MYO18A: variants seen among roughly 807,000 people sequenced by gnomAD.
MYO18A encodes the protein myosin XVIIIA.
A neutral mutation model predicts 235.8 loss-of-function variants in MYO18A; 78 were observed. The observed-to-expected ratio is 0.33, with a 90% CI of 0.28 to 0.40. The LOEUF is 0.40. MYO18A is among the 10% of genes least tolerant of loss of function. MYO18A has a pLI of 1.00. For missense variants in MYO18A, 2,215 were observed against 2,699.3 expected (o/e 0.82, Z 3.98); for synonymous variants, 977 against 1,077.8 (o/e 0.91, Z 1.83).
intron 2 of MYO18A, among the ~76,000 whole-genome samples, chr17:29,122,811 C>A (rs1409084278): frequency 6.6e-6 from 1 of 152,220 alleles, no homozygotes; most frequent in African/African-American, 2.4e-5. Context: ...AGAGCCCTGG[C>A]CTCAGCCCTG....
chr17:29,120,808 TC>T lies in MYO18A; in HGVS notation c.1586-51del. On this transcript the variant is annotated intron_variant, in intron 6 of 41. Coordinates refer to ENST00000527372, the MANE Select transcript of MYO18A (RefSeq NM_078471.4). This position sits in a 1 kb window ranked among gnomAD's most constrained non-coding sequence, Gnocchi z 4.2. Reference sequence around the variant, plus strand: ...TATCAGGAAAGCCAGGGGCAGCTTATCCCCCAGCTAGGAGCTACCCCAGAGG... The same window carrying T: ...TATCAGGAAAGCCAGGGGCAGCTTATCCCCAGCTAGGAGCTACCCCAGAGG... 3 of 1,591,408 alleles carry T rather than the reference TC, an allele frequency of 1.9e-6. No individual in the cohort carries two copies. The highest frequency in any genetic ancestry group is 2.6e-6 in the Non-Finnish European group (3 of 1,167,216).
intron 2 of MYO18A, chr17:29,124,732 A>G (rs376518553): frequency 1.6e-6 from 2 of 1,261,848 alleles, no homozygotes; most frequent in Non-Finnish European, 2.1e-6. Flanking sequence ...AAGGGTGAAG[A>G]TAAGCAGACC....
In MYO18A at chr17:29,121,737, C is replaced by T. The variant is rs1355321862; in HGVS notation, c.1195-14G>A. On this transcript the variant is annotated splice_polypyrimidine_tract_variant and intron_variant, in intron 4 of 41. Coordinates refer to ENST00000527372, the MANE Select transcript of MYO18A (RefSeq NM_078471.4). The surrounding 1 kb of genome is among the most constrained non-coding windows in gnomAD (Gnocchi z 4.2). ...GGGAGCATTAGCCTGTGTGGGAGGA[C>T]AGGCGGGTGGGTATTAGAGCAGCAG... The T allele has an allele frequency of 1.3e-6, 2 of 1,572,646 alleles. No individual in the cohort carries two copies. Among genetic ancestry groups the T allele is most frequent in the Admixed American group, 1.9e-5 (1 of 53,596 alleles).
Position 29,120,666 on chromosome 17 carries a change from G to A in MYO18A, c.1678C>T (p.Leu560Phe). ...NGNATRFSQI[L>F]SLDFDQAGQV... The stretch of plus-strand genomic sequence containing the variant: ...CCAGCTTGGTCAAAGTCCAGGGAGA[G>A]GATCTGGGAGAAGCGGGTGGCATTG... Residue 560 changes from leucine to phenylalanine, a missense_variant, in exon 7 of 42, where the codon CTC (leucine) becomes TTC (phenylalanine). Physicochemically the swap from Leu to Phe is conservative, Grantham distance 22 (BLOSUM62 0). Coordinates refer to ENST00000527372, the MANE Select transcript of MYO18A (RefSeq NM_078471.4). This position sits in a 1 kb window ranked among gnomAD's most constrained non-coding sequence, Gnocchi z 4.2. 1.2e-6 allele frequency: 2 copies of A among 1,614,022 alleles called. No individual in the cohort carries two copies. The highest frequency in any genetic ancestry group is 1.7e-6 in the Non-Finnish European group (2 of 1,179,890).
chr17:29,178,017 G>T (rs1318525648), intron 1 of MYO18A, among the ~76,000 whole-genome samples: 1 of 152,188 alleles, frequency 6.6e-6, no homozygotes, highest in African/African-American at 2.4e-5. Context: ...ATGAGCCCCA[G>T]TTCTGCCCCA....
intron 30 of MYO18A, chr17:29,094,373 G>C: frequency 1.7e-6 from 1 of 599,524 alleles, no homozygotes; most frequent in East Asian, 2.8e-5. Flanking sequence ...TGGCTGGGTA[G>C]CAGGCTGGGT....
At chr17:29,097,155 A>G in intron 27 of MYO18A, 68 bp downstream of exon 27, 1 of 1,583,964 alleles carries the variant, frequency 6.3e-7, no homozygotes, top group East Asian at 2.3e-5. Context: ...AGTTCACTGG[A>G]CCGACACAAG....
intron 2 of MYO18A, among the ~76,000 whole-genome samples, chr17:29,136,276 T>C (rs2067601441): frequency 7.1e-6 from 1 of 140,798 alleles, no homozygotes; most frequent in African/African-American, 2.7e-5. Context: ...TATATATATG[T>C]AATGTATCCC....
chr17:29,131,302 C>T (rs1375822607), intron 2 of MYO18A: 23 of 791,490 alleles, frequency 2.9e-5, no homozygotes, highest in South Asian at 1.7e-4. Context: ...AACACACACA[C>T]GCACACACAC....
chr17:29,155,747 G>A (rs953381828), intron 2 of MYO18A, among the ~76,000 whole-genome samples: 6 of 152,280 alleles, frequency 3.9e-5, no homozygotes, highest in South Asian at 4.1e-4. Context: ...AATCCGAGGC[G>A]GCTCCCCTCC....
At chr17:29,162,777 G>C (rs530429707) in intron 2 of MYO18A, among the ~76,000 whole-genome samples, 1 of 152,322 alleles carries the variant, frequency 6.6e-6, no homozygotes, top group East Asian at 1.9e-4. Context: ...AGAAAACGGT[G>C]TTCTCCCAGG....
rs148728538 is a variant in MYO18A at position 29,148,150 on chromosome 17, A to T, written c.999+17792T>A. Among the ~76,000 whole-genome samples the T allele has an allele frequency of 7.2e-5, 11 of 152,186 alleles. 2 individuals are homozygous for T. In the East Asian group the frequency reaches 1.9e-3, roughly 27 times the overall value. Reference sequence around the variant, plus strand: ...TGTTAAGATATATCTTAACAATGAGATATATATATCTTAACAAAATATATC... The same window carrying T: ...TGTTAAGATATATCTTAACAATGAGTTATATATATCTTAACAAAATATATC... On this transcript the variant is annotated intron_variant, in intron 2 of 41. Coordinates refer to ENST00000527372, the MANE Select transcript of MYO18A (RefSeq NM_078471.4).
rs568992850 is a variant in MYO18A at position 29,098,426 on chromosome 17, C to T, written c.3800G>A (p.Arg1267Gln). 31 of 1,613,926 alleles carry T rather than the reference C, an allele frequency of 1.9e-5. No homozygotes were observed. The East Asian group carries it at 3.3e-4, about 17-fold the overall frequency. Residue 1267 changes from arginine to glutamine, a missense_variant, in exon 24 of 42, where the codon CGG becomes CAG. Transcript: ENST00000527372. ...RNKDEEIQQL[R>Q]SKLEKAEKER... is the part of the protein sequence containing the mutation. The stretch of plus-strand genomic sequence containing the variant: ...CTTCTCCGCCTTCTCGAGCTTGCTC[C>T]GCAGCTGCTGGATCTCCTCCTAGGG...
intron 41 of MYO18A, chr17:29,080,652 C>T (rs961916097): frequency 2.0e-6 from 2 of 985,572 alleles, no homozygotes; most frequent in Non-Finnish European, 2.4e-6. Context: ...GCCGCGTGGC[C>T]GAGGAGGCCC....
rs1195148863 is a variant in MYO18A, at chr17:29,120,668, A to G, written c.1676T>C (p.Ile559Thr). ...INGNATRFSQ[I>T]LSLDFDQAGQ... The stretch of plus-strand genomic sequence containing the variant: ...AGCTTGGTCAAAGTCCAGGGAGAGG[A>G]TCTGGGAGAAGCGGGTGGCATTGCC... The change falls in exon 7 of 42, where the codon ATC becomes ACC. Residue 559 changes from isoleucine (I) to threonine (T), a missense_variant. By Grantham distance (89) the Ile-to-Thr change is moderately conservative. Transcript: ENST00000527372. The surrounding 1 kb of genome is among the most constrained non-coding windows in gnomAD (Gnocchi z 4.2). 2 of 1,613,990 alleles carry G rather than the reference A, an allele frequency of 1.2e-6. No homozygotes were observed. Among genetic ancestry groups the G allele is most frequent in the Non-Finnish European group, 1.7e-6 (2 of 1,179,874 alleles).
At chr17:29,142,309 T>C (rs770727022) in intron 2 of MYO18A, among the ~76,000 whole-genome samples, 2 of 152,240 alleles carry the variant, frequency 1.3e-5, no homozygotes, top group African/African-American at 4.8e-5. Flanking sequence ...TGCAAGACTC[T>C]AAGGCCAGCA....
chr17:29,091,480 G>C (rs2066396875), intron 34 of MYO18A: 2 of 370,690 alleles, frequency 5.4e-6, no homozygotes, highest in Non-Finnish European at 5.4e-6. Flanking sequence ...AAATGACTGT[G>C]TTGGCTCCTT....
chr17:29,097,706 G>C (rs1173319713), intron 26 of MYO18A, 82 bp downstream of exon 26: 1 of 1,233,540 alleles, frequency 8.1e-7, no homozygotes, highest in Non-Finnish European at 1.2e-6. Flanking sequence ...GACAGGCCTG[G>C]ACAAGGGGCA....
chr17:29,089,619 C>G (rs572818359), intron 37 of MYO18A, among the ~76,000 whole-genome samples: 12 of 152,198 alleles, frequency 7.9e-5, no homozygotes, highest in Non-Finnish European at 1.3e-4. Flanking sequence ...GAAGTGGCAC[C>G]ATCCGCTGCA....
Sources: allele counts gnomAD v4.1 joint callset (sites outside exome capture counted in the v4.1 genomes callset), GRCh38; gene constraint gnomAD v4.1.1; non-coding constraint Gnocchi (gnomAD v3.1); transcripts MANE v1.5; gene names NCBI Gene and HGNC (gene_info 2026-07-23, HGNC 2026-07-21).